Variants in C7orf78 observed in about 807,000 individuals in gnomAD.
C7orf78 encodes the protein chromosome 7 open reading frame 78, also known as putative uncharacterized protein C7orf78.
chr7:12,483,427 G>T, the C7orf78 span: 1 of 152,108 alleles, frequency 6.6e-6, no homozygotes, highest in Non-Finnish European at 1.5e-5. Context: ...CTTTGATTAA[G>T]GTTTTGGGAT....
At chr7:12,534,622 T>A in the C7orf78 span, among the ~76,000 whole-genome samples, 6 of 152,086 alleles carry the variant, frequency 3.9e-5, no homozygotes, top group East Asian at 1.2e-3. Flanking sequence ...TATAAAGAAC[T>A]CATGCAAATA....
At chr7:12,531,756 G>A in the C7orf78 span, among the ~76,000 whole-genome samples, 90 of 152,178 alleles carry the variant, frequency 5.9e-4, no homozygotes, top group Non-Finnish European at 9.6e-4. Flanking sequence ...ACCATGGTTC[G>A]TTGTCTTGTG....
At chr7:12,518,269 A>G in the C7orf78 span, among the ~76,000 whole-genome samples, 2 of 152,276 alleles carry the variant, frequency 1.3e-5, no homozygotes, top group Non-Finnish European at 2.9e-5. Context: ...TAGGCTGAGT[A>G]TACCTGTCCT....
At chr7:12,501,283 A>G in the C7orf78 span, among the ~76,000 whole-genome samples, 14 of 147,744 alleles carry the variant, frequency 9.5e-5, no homozygotes, top group South Asian at 2.5e-3. Context: ...AAAAGAGGAA[A>G]TCAAATTGTC....
chr7:12,511,695 A>G, the C7orf78 span, among the ~76,000 whole-genome samples: 1 of 151,858 alleles, frequency 6.6e-6, no homozygotes, highest in Admixed American at 6.6e-5. Context: ...AAACACTACT[A>G]ATTTTGTATG....
chr7:12,527,974 A>G, the C7orf78 span, among the ~76,000 whole-genome samples: 1 of 149,410 alleles, frequency 6.7e-6, no homozygotes, highest in Admixed American at 6.6e-5. Context: ...CAGCTTTCCT[A>G]GTATATGCTA....
chr7:12,526,029 T>G, the C7orf78 span: 4 of 384,670 alleles, frequency 1.0e-5, no homozygotes, highest in African/African-American at 6.2e-5. Context: ...TACGGTAAAT[T>G]TTTTAATGTC....
chr7:12,536,177 C>T, the C7orf78 span, among the ~76,000 whole-genome samples: 1 of 152,172 alleles, frequency 6.6e-6, no homozygotes, highest in Admixed American at 6.5e-5. Context: ...TCCATGAGGA[C>T]CCCATCCCTA....
At chr7:12,497,023 T>C in the C7orf78 span, among the ~76,000 whole-genome samples, 2 of 152,158 alleles carry the variant, frequency 1.3e-5, no homozygotes, top group African/African-American at 2.4e-5. Flanking sequence ...TCACTTTAAA[T>C]AAAATGAACA....
the C7orf78 span, chr7:12,484,124 A>G: frequency 6.6e-6 from 1 of 152,194 alleles, no homozygotes; most frequent in Non-Finnish European, 1.5e-5. Context: ...CTATAAAAAT[A>G]CTTAAACACT....
the C7orf78 span, among the ~76,000 whole-genome samples, chr7:12,508,209 GACA>G: frequency 6.6e-6 from 1 of 152,152 alleles, no homozygotes; most frequent in Non-Finnish European, 1.5e-5. Flanking sequence ...CTTCCCTGCA[GACA>G]ACAGGCTGAG....
the C7orf78 span, among the ~76,000 whole-genome samples, chr7:12,497,198 A>G: frequency 6.6e-6 from 1 of 152,300 alleles, no homozygotes; most frequent in South Asian, 2.1e-4. Flanking sequence ...AAAAAATCAA[A>G]ATTATTTATG....
At chr7:12,492,050 A>T in the C7orf78 span, 1 of 152,096 alleles carries the variant, frequency 6.6e-6, no homozygotes. Flanking sequence ...TTTAGATTCA[A>T]TGGACTTACT....
the C7orf78 span, among the ~76,000 whole-genome samples, chr7:12,506,395 T>C: frequency 0.29 from 44,531 of 152,102 alleles, 7,166 homozygotes; most frequent in African/African-American, 0.43. Flanking sequence ...CCAACCCACT[T>C]GTCCATCAGT....
the C7orf78 span, among the ~76,000 whole-genome samples, chr7:12,489,672 A>G: frequency 2.2e-4 from 33 of 152,274 alleles, no homozygotes; most frequent in African/African-American, 7.5e-4. Context: ...CAAGACAAAT[A>G]CTATTTGCTG....
chr7:12,525,670 A>G, the C7orf78 span: 2 of 376,274 alleles, frequency 5.3e-6, no homozygotes, highest in East Asian at 7.5e-5. Context: ...TTCATAAACA[A>G]GTTTTAAATG....
At chr7:12,513,948 T>C in the C7orf78 span, among the ~76,000 whole-genome samples, 9 of 151,996 alleles carry the variant, frequency 5.9e-5, no homozygotes, top group East Asian at 3.9e-4. Flanking sequence ...TGCAGTGAGC[T>C]GAGATCACGC....
chr7:12,483,878 C>CAAAAAAAAAAAAAAA, the C7orf78 span: 1 of 116,950 alleles, frequency 8.6e-6, no homozygotes, highest in Non-Finnish European at 1.8e-5. Flanking sequence ...AACTCCATCT[C>CAAAAAAAAAAAAAAA]AAAAAAAAAA....
At chr7:12,525,243 A>C in the C7orf78 span, among the ~76,000 whole-genome samples, 8 of 151,992 alleles carry the variant, frequency 5.3e-5, no homozygotes, top group Non-Finnish European at 7.4e-5. Context: ...GTTTTATTTG[A>C]TCAGTTCTTG....
Sources: allele counts gnomAD v4.1 joint callset (sites outside exome capture counted in the v4.1 genomes callset), GRCh38; gene constraint gnomAD v4.1.1; transcripts MANE v1.5; gene names NCBI Gene and HGNC (gene_info 2026-07-23, HGNC 2026-07-21).